GPATCH2: variants seen among roughly 807,000 people sequenced by gnomAD.
The protein encoded by GPATCH2 is G patch domain-containing protein 2.
Under a neutral mutation model 58.0 loss-of-function variants are expected in GPATCH2, and 51 were observed. The ratio of observed to expected loss-of-function variants is 0.88; its 90% CI spans 0.70 to 1.11. The LOEUF (loss-of-function observed/expected upper bound fraction) is 1.11, where lower values mean the gene tolerates loss of function less well. Among genes scored for constraint, GPATCH2 ranks in the 50% most tolerant of loss-of-function variants. The pLI is 0.00. For missense variants in GPATCH2, 625 were observed against 652.2 expected (o/e 0.96, Z 0.45); for synonymous variants, 222 against 218.5 (o/e 1.02, Z -0.14).
intron 9 of GPATCH2, among the ~76,000 whole-genome samples, chr1:217,444,891 C>T (rs1292154206): frequency 1.3e-5 from 2 of 152,174 alleles, no homozygotes; most frequent in South Asian, 2.1e-4. Context: ...GGTTGCACCA[C>T]ACATTTCTGA....
At chr1:217,483,172 A>G (rs903156792) in intron 8 of GPATCH2, among the ~76,000 whole-genome samples, 6 of 151,946 alleles carry the variant, frequency 3.9e-5, no homozygotes, top group African/African-American at 1.2e-4. Context: ...TTTGTATACC[A>G]ATCTTGTTTT....
At chr1:217,521,876 C>T (rs999801477) in intron 5 of GPATCH2, among the ~76,000 whole-genome samples, 5 of 152,074 alleles carry the variant, frequency 3.3e-5, no homozygotes, top group Admixed American at 6.5e-5. Context: ...TAGAGGAATC[C>T]GTACACGTGT....
chr1:217,437,574 T>C (rs1658900662), intron 9 of GPATCH2, among the ~76,000 whole-genome samples: 1 of 152,208 alleles, frequency 6.6e-6, no homozygotes, highest in Admixed American at 6.5e-5. Flanking sequence ...TTACTGAGGC[T>C]TGAGTAGGCA....
At chr1:217,580,087 A>G (rs1420633019) in intron 5 of GPATCH2, among the ~76,000 whole-genome samples, 2 of 152,242 alleles carry the variant, frequency 1.3e-5, no homozygotes, top group Non-Finnish European at 2.9e-5. Context: ...TAAAAATCAA[A>G]TAATTCGTTT....
chr1:217,454,084 T>C (rs1659804048), intron 8 of GPATCH2, among the ~76,000 whole-genome samples: 1 of 151,960 alleles, frequency 6.6e-6, no homozygotes, highest in Non-Finnish European at 1.5e-5. Flanking sequence ...AGGATGGGGG[T>C]TGGGAAACCC....
At chr1:217,434,145 C>A (rs375664262) in intron 9 of GPATCH2, among the ~76,000 whole-genome samples, 1 of 152,148 alleles carries the variant, frequency 6.6e-6, no homozygotes, top group Non-Finnish European at 1.5e-5. Context: ...ACAGAAAGAA[C>A]CTTCAACTAC....
intron 5 of GPATCH2, among the ~76,000 whole-genome samples, chr1:217,554,987 T>A (rs1665550052): frequency 6.6e-6 from 1 of 152,206 alleles, no homozygotes; most frequent in African/African-American, 2.4e-5. Flanking sequence ...TTTAAAGATT[T>A]CCATTCTTCT....
chr1:217,510,347 G>A (rs1024467351), intron 6 of GPATCH2, among the ~76,000 whole-genome samples: 2 of 151,784 alleles, frequency 1.3e-5, no homozygotes, highest in African/African-American at 4.8e-5. Context: ...ATATTATTGT[G>A]ATTTGATATC....
intron 3 of GPATCH2, among the ~76,000 whole-genome samples, chr1:217,612,326 C>T (rs779230277): frequency 1.8e-4 from 28 of 152,158 alleles, no homozygotes; most frequent in Non-Finnish European, 3.4e-4. Flanking sequence ...TTGTAATTGT[C>T]ATAAACTTTT....
chr1:217,571,089 A>C (rs2102716916), intron 5 of GPATCH2, among the ~76,000 whole-genome samples: 1 of 152,342 alleles, frequency 6.6e-6, no homozygotes, highest in East Asian at 1.9e-4. Context: ...GAAGAAATAG[A>C]ATGTATACTT....
chr1:217,451,694 TAGAGCATATACCAGACAGGCTC>T (rs1173233962), intron 8 of GPATCH2, among the ~76,000 whole-genome samples: 2 of 152,190 alleles, frequency 1.3e-5, no homozygotes, highest in Non-Finnish European at 2.9e-5. Flanking sequence ...TTACCTTCTG[TAGAGCATATACCAGACAGGCTC>T]AGATATCAGA....
intron 9 of GPATCH2, among the ~76,000 whole-genome samples, chr1:217,445,194 A>C (rs1488010233): frequency 6.6e-6 from 1 of 151,986 alleles, no homozygotes; most frequent in Non-Finnish European, 1.5e-5. Flanking sequence ...AAAAAGGCTG[A>C]CTCCTTATAA....
At chr1:217,610,137 T>TTA (rs760728036) in intron 5 of GPATCH2, 184 bp downstream of exon 5, 9 of 1,551,826 alleles carry the variant, frequency 5.8e-6, no homozygotes, top group Non-Finnish European at 6.1e-6. Context: ...CGTAACTAAT[T>TTA]TATTAGCATT....
intron 5 of GPATCH2, among the ~76,000 whole-genome samples, chr1:217,557,161 C>A (rs1057227667): frequency 1.3e-5 from 2 of 152,114 alleles, no homozygotes; most frequent in Non-Finnish European, 2.9e-5. Context: ...AATCCCAGCA[C>A]TTTGGGAGGC....
At chr1:217,562,319 T>G (rs111657990) in intron 5 of GPATCH2, among the ~76,000 whole-genome samples, 9 of 152,320 alleles carry the variant, frequency 5.9e-5, no homozygotes, top group African/African-American at 2.2e-4. Flanking sequence ...AGGAAAATTT[T>G]CCTAATAAAA....
chr1:217,494,698 T>C (rs1177322355), intron 7 of GPATCH2, among the ~76,000 whole-genome samples: 2 of 151,776 alleles, frequency 1.3e-5, no homozygotes, highest in Non-Finnish European at 2.9e-5. Context: ...GAGCCGAGAT[T>C]GCGCCACTGC....
At chr1:217,545,658 T>C (rs1310647181) in intron 5 of GPATCH2, among the ~76,000 whole-genome samples, 1 of 152,180 alleles carries the variant, frequency 6.6e-6, no homozygotes, top group African/African-American at 2.4e-5. Flanking sequence ...TATGTAATTG[T>C]TTTTCTGTGT....
intron 5 of GPATCH2, among the ~76,000 whole-genome samples, chr1:217,564,308 T>G (rs1215394812): frequency 6.6e-6 from 1 of 152,174 alleles, no homozygotes; most frequent in African/African-American, 2.4e-5. Context: ...AAACGAGGCA[T>G]GTAAGGAGAA....
At chr1:217,590,223 T>C (rs1037884843) in intron 5 of GPATCH2, among the ~76,000 whole-genome samples, 12 of 152,142 alleles carry the variant, frequency 7.9e-5, no homozygotes, top group South Asian at 2.1e-4. Flanking sequence ...GGTTTCACTA[T>C]GTTGGCCAGG....
Sources: gnomAD v4.1 joint callset for allele counts (sites outside exome capture counted in the v4.1 genomes callset) on GRCh38, gnomAD v4.1.1 for gene constraint, MANE v1.5 for transcripts, NCBI Gene and HGNC (gene_info 2026-07-23, HGNC 2026-07-21) for gene names.